LCORL: variants seen among roughly 807,000 people sequenced by gnomAD.
The protein encoded by LCORL is ligand dependent nuclear receptor corepressor like, also known as ligand-dependent nuclear receptor corepressor-like protein.
LCORL carries 41 observed loss-of-function variants against 141.8 expected under a neutral mutation model. The ratio of observed to expected loss-of-function variants is 0.29; its 90% CI spans 0.23 to 0.38. The LOEUF is 0.38. Among genes scored for constraint, LCORL ranks in the 10% least tolerant of loss-of-function variants. LCORL has a pLI of 1.00. For missense variants in LCORL, 1,759 were observed against 2,035.0 expected (o/e 0.86, Z 2.61); for synonymous variants, 618 against 694.1 (o/e 0.89, Z 1.72).
intron 7 of LCORL, among the ~76,000 whole-genome samples, chr4:17,854,991 C>T (rs1004333827): frequency 2.0e-5 from 3 of 152,096 alleles, no homozygotes; most frequent in African/African-American, 7.2e-5. Flanking sequence ...ATAGTGTGTG[C>T]TTAATAACTA....
intron 4 of LCORL, chr4:17,912,235 A>G (rs1275771507): frequency 1.4e-6 from 1 of 736,420 alleles, no homozygotes; most frequent in Non-Finnish European, 2.5e-6. Flanking sequence ...GTCTGTGGAG[A>G]GCAACATTAT....
chr4:17,905,196 GT>G (rs1452791782), intron 5 of LCORL, among the ~76,000 whole-genome samples: 1 of 151,896 alleles, frequency 6.6e-6, no homozygotes, highest in African/African-American at 2.4e-5. Context: ...CATTTTTTGT[GT>G]TATCTTTTAT....
chr4:17,939,879 T>TACACACACACACACACACACAC (rs143670453), intron 4 of LCORL, among the ~76,000 whole-genome samples: 7 of 147,806 alleles, frequency 4.7e-5, no homozygotes, highest in African/African-American at 1.5e-4. Context: ...TAGGTACATG[T>TACACACACACACACACACACAC]ACACACACAC....
intron 4 of LCORL, among the ~76,000 whole-genome samples, chr4:17,958,041 A>G (rs1166587480): frequency 6.6e-6 from 1 of 152,048 alleles, no homozygotes; most frequent in Non-Finnish European, 1.5e-5. Context: ...GAACCATACT[A>G]GTATTTATAT....
At chr4:18,019,290 G>C (rs540262485) in intron 1 of LCORL, among the ~76,000 whole-genome samples, 2 of 152,160 alleles carry the variant, frequency 1.3e-5, no homozygotes, top group Non-Finnish European at 2.9e-5. Context: ...AGTGAGCTGA[G>C]ATAGCACCGC....
rs557234066 is a variant in LCORL at position 17,879,695 on chromosome 4, TA to T, written c.777-1483del. 1.9e-3 allele frequency among the ~76,000 whole-genome samples: 292 copies of T among 151,104 alleles called. 3 individuals carry two copies. The highest frequency in any genetic ancestry group is 6.7e-3 in the African/African-American group (276 of 41,432). Reference sequence around the variant, plus strand: ...TGGTTAACTACCAAAGATTACAATATATTTTTTTCCAGCAAATTAAAAATGA... The same window carrying T: ...TGGTTAACTACCAAAGATTACAATATTTTTTTTCCAGCAAATTAAAAATGA... On this transcript the variant is annotated intron_variant, in intron 6 of 7. Transcript: ENST00000635767.
intron 1 of LCORL, among the ~76,000 whole-genome samples, chr4:17,979,599 T>C (rs1327457934): frequency 2.6e-5 from 4 of 152,372 alleles, no homozygotes; most frequent in Admixed American, 2.0e-4. Flanking sequence ...TCAATACTTT[T>C]TCTTGAATAA....
chr4:17,862,745 A>G (rs907310582), intron 7 of LCORL, among the ~76,000 whole-genome samples: 28 of 152,240 alleles, frequency 1.8e-4, no homozygotes, highest in African/African-American at 3.1e-4. Flanking sequence ...AAGGACTTCA[A>G]TGTAAAACCT....
intron 1 of LCORL, among the ~76,000 whole-genome samples, chr4:18,014,793 A>G (rs1724376368): frequency 6.6e-6 from 1 of 152,226 alleles, no homozygotes; most frequent in South Asian, 2.1e-4. Context: ...GGGTAGCAGT[A>G]GGCTGGTCTG....
chr4:17,969,222 A>C (rs1560419927), intron 2 of LCORL, among the ~76,000 whole-genome samples: 1 of 152,206 alleles, frequency 6.6e-6, no homozygotes. Flanking sequence ...CTAAAAGTAC[A>C]CCAATGTGTG....
intron 4 of LCORL, among the ~76,000 whole-genome samples, chr4:17,928,704 T>C (rs753427605): frequency 2.6e-5 from 4 of 152,142 alleles, no homozygotes; most frequent in African/African-American, 9.7e-5. Flanking sequence ...TATGCTCTTA[T>C]CACTTCGACA....
chr4:18,003,516 G>T (rs987227634), intron 1 of LCORL, among the ~76,000 whole-genome samples: 1 of 152,140 alleles, frequency 6.6e-6, no homozygotes, highest in African/African-American at 2.4e-5. Flanking sequence ...TAACTTTTAG[G>T]TATGTTACAT....
chr4:17,990,089 T>A (rs1428086462), intron 1 of LCORL, among the ~76,000 whole-genome samples: 1 of 145,058 alleles, frequency 6.9e-6, no homozygotes, highest in Non-Finnish European at 1.5e-5. Flanking sequence ...AAAAGAAAAC[T>A]CTCTGCGTTT....
intron 4 of LCORL, among the ~76,000 whole-genome samples, chr4:17,935,340 GA>G (rs929510917): frequency 1.3e-5 from 2 of 151,674 alleles, no homozygotes; most frequent in Non-Finnish European, 2.9e-5. Flanking sequence ...ATATTTCCAT[GA>G]AAAAAAATAC....
At chr4:17,998,985 A>AAAAT (rs1374815646) in intron 1 of LCORL, among the ~76,000 whole-genome samples, 28 of 57,894 alleles carry the variant, frequency 4.8e-4, no homozygotes, top group East Asian at 4.0e-3. Context: ...AAAAAAAAAA[A>AAAAT]ATATATATAT....
intron 4 of LCORL, chr4:17,912,950 C>T: frequency 2.2e-6 from 1 of 460,694 alleles, no homozygotes; most frequent in Non-Finnish European, 4.2e-6. Flanking sequence ...GTGCCCGAGA[C>T]CAGTGACACC....
intron 4 of LCORL, among the ~76,000 whole-genome samples, chr4:17,936,711 G>A (rs528116987): frequency 7.2e-5 from 11 of 152,180 alleles, no homozygotes; most frequent in East Asian, 3.9e-4. Flanking sequence ...AGAGGTTAAC[G>A]GAGAATATTT....
chr4:17,850,720 C>T (rs1365459710), intron 7 of LCORL, among the ~76,000 whole-genome samples: 38 of 151,080 alleles, frequency 2.5e-4, no homozygotes, highest in South Asian at 1.3e-3. Flanking sequence ...GTCAGTGTGG[C>T]GATTCCTCAG....
At chr4:17,853,126 A>G in intron 7 of LCORL, among the ~76,000 whole-genome samples, 1 of 150,602 alleles carries the variant, frequency 6.6e-6, no homozygotes, top group South Asian at 2.1e-4. Context: ...CAGAAGTAAA[A>G]TGACTTACCC....
Sources: allele counts gnomAD v4.1 joint callset (sites outside exome capture counted in the v4.1 genomes callset), GRCh38; gene constraint gnomAD v4.1.1; transcripts MANE v1.5; gene names NCBI Gene and HGNC (gene_info 2026-07-23, HGNC 2026-07-21).